SEC24D: variants seen among roughly 807,000 people sequenced by gnomAD.
SEC24D encodes SEC24 homolog D, COPII component, also known as protein transport protein Sec24D.
Under a neutral mutation model 116.9 loss-of-function variants are expected in SEC24D, and 69 were observed. The observed-to-expected ratio is 0.59, with a 90% CI of 0.49 to 0.72. The LOEUF is 0.72. SEC24D is among the 30% of genes least tolerant of loss of function. The probability of loss-of-function intolerance (pLI) is 0.00; values close to 1 mark genes in which losing one functional copy is unlikely to be tolerated. For synonymous variants in SEC24D, 405 were observed against 442.8 expected (o/e 0.91, Z 1.07); for missense variants, 1,131 against 1,264.1 (o/e 0.89, Z 1.60).
At chr4:118,795,038 AAG>A (rs1413414536) in intron 8 of SEC24D, among the ~76,000 whole-genome samples, 2 of 152,106 alleles carry the variant, frequency 1.3e-5, no homozygotes, top group Non-Finnish European at 2.9e-5. Context: ...GGCTACATGA[AAG>A]GGGAGGAAGC....
chr4:118,813,087 A>T (rs545647304), intron 6 of SEC24D, among the ~76,000 whole-genome samples: 1 of 152,346 alleles, frequency 6.6e-6, no homozygotes, highest in African/African-American at 2.4e-5. Flanking sequence ...TAAGTTAAGG[A>T]TCTTCAGAGG....
chr4:118,792,313 G>T (rs950277304), intron 8 of SEC24D, among the ~76,000 whole-genome samples: 11 of 132,012 alleles, frequency 8.3e-5, no homozygotes, highest in Non-Finnish European at 1.7e-4. Context: ...TCCGGGAGGT[G>T]GGGGGGCGCC....
chr4:118,810,135 T>TGTGTGTCA (rs1729856614), intron 6 of SEC24D, among the ~76,000 whole-genome samples: 1 of 113,574 alleles, frequency 8.8e-6, no homozygotes, highest in Non-Finnish European at 2.0e-5. Context: ...TGTGTGTGTG[T>TGTGTGTCA]GTCAGAGGGT....
intron 6 of SEC24D, among the ~76,000 whole-genome samples, chr4:118,808,771 C>T (rs144514347): frequency 1.1e-3 from 163 of 151,998 alleles, no homozygotes; most frequent in African/African-American, 3.8e-3. Flanking sequence ...GCTAGAATTA[C>T]GATTATATTT....
intron 7 of SEC24D, among the ~76,000 whole-genome samples, chr4:118,801,005 T>C (rs1189156190): frequency 6.6e-6 from 1 of 152,120 alleles, no homozygotes; most frequent in African/African-American, 2.4e-5. Context: ...CTCACGCCTG[T>C]AATCCCAGCA....
chr4:118,730,028 T>C (rs1265064806), intron 21 of SEC24D: 1 of 152,242 alleles, frequency 6.6e-6, no homozygotes, highest in Admixed American at 6.5e-5. Context: ...TTCATTTTGT[T>C]GATGAAAGTC....
Position 118,733,057 on chromosome 4 carries a change from G to C in SEC24D, c.2497-145C>G, listed in dbSNP as rs1413915451. On this transcript the variant is annotated intron_variant, in intron 19 of 22. Coordinates refer to ENST00000280551, the MANE Select transcript of SEC24D (RefSeq NM_014822.4). ...TGGTAACCCATGTAAAACACCTAGA[G>C]CACACAGTAACTGGCACAGAGTAGG... 5 of 654,978 alleles carry C rather than the reference G, an allele frequency of 7.6e-6. No homozygotes were observed. The South Asian group carries it at 9.6e-5, about 13-fold the overall frequency. 40.6% of individuals were successfully genotyped at this position (654,978 alleles called of 1,614,324 possible). A position where few individuals can be genotyped will look rare whatever the true frequency, so the allele number is the denominator to read the frequency against.
At chr4:118,775,509 G>A (rs180801687) in intron 8 of SEC24D, among the ~76,000 whole-genome samples, 131 of 152,184 alleles carry the variant, frequency 8.6e-4, no homozygotes, top group Admixed American at 2.4e-3. Context: ...ACGGTTTGTT[G>A]GTGGCCAGCA....
intron 6 of SEC24D, among the ~76,000 whole-genome samples, chr4:118,806,998 A>G (rs1235482799): frequency 2.6e-5 from 4 of 152,216 alleles, no homozygotes; most frequent in Non-Finnish European, 4.4e-5. Context: ...AAATAAATAA[A>G]TAAAGGAAAT....
chr4:118,795,660 T>C (rs1477690879), intron 8 of SEC24D, among the ~76,000 whole-genome samples: 1 of 152,190 alleles, frequency 6.6e-6, no homozygotes, highest in Non-Finnish European at 1.5e-5. Flanking sequence ...TTGTACAAAA[T>C]AGAGCATACT....
chr4:118,732,919 A>G lies in SEC24D; in HGVS notation c.2497-7T>C, dbSNP rs758406878. On this transcript the variant is annotated splice_polypyrimidine_tract_variant and splice_region_variant and intron_variant, in intron 19 of 22. Coordinates refer to ENST00000280551, the MANE Select transcript of SEC24D (RefSeq NM_014822.4). ...TGGAATCTGGTAGAATAAGCTGAAA[A>G]AGACAATTTTTTGTTTCATACGCTT... The G allele has an allele frequency of 6.2e-7, 1 of 1,612,124 alleles. No individual in the cohort carries two copies. Among genetic ancestry groups the G allele is most frequent in the South Asian group, 1.1e-5 (1 of 90,886 alleles).
Position 118,728,632 on chromosome 4 carries a change from C to T in SEC24D, c.2887G>A (p.Gly963Arg). The T allele has an allele frequency of 6.2e-7, 1 of 1,606,980 alleles. No homozygotes were observed. The highest frequency in any genetic ancestry group is 8.5e-7 in the Non-Finnish European group (1 of 1,174,582). Residue 963 changes from glycine (G) to arginine (R), a missense_variant, in exon 22 of 23, where the codon GGA (glycine) becomes AGA (arginine). By Grantham distance (125) the Gly-to-Arg change is moderately radical (BLOSUM62 -2). Transcript: ENST00000280551. ...CTGAGTTGTTGAGAGTATGGGTTTC[C>T]CACTTCAGGCAGCAATGTCTTAGAT... ...NTDMTLLPEV[G>R]NPYSQQLRMI...
chr4:118,828,391 G>C (rs1730680319), intron 2 of SEC24D, among the ~76,000 whole-genome samples: 1 of 152,168 alleles, frequency 6.6e-6, no homozygotes, highest in African/African-American at 2.4e-5. Context: ...TTACAGGCGT[G>C]AGCCACCGCA....
intron 3 of SEC24D, among the ~76,000 whole-genome samples, chr4:118,819,238 A>G (rs568625590): frequency 6.6e-6 from 1 of 152,278 alleles, no homozygotes; most frequent in South Asian, 2.1e-4. Flanking sequence ...CGTCTTTTAA[A>G]AAAACTTTGT....
chr4:118,767,069 G>A (rs1295206619), intron 9 of SEC24D, among the ~76,000 whole-genome samples: 1 of 152,198 alleles, frequency 6.6e-6, no homozygotes, highest in East Asian at 1.9e-4. Context: ...CATAGGCTGG[G>A]ATGAGTCTAG....
chr4:118,787,842 G>A (rs528144679), intron 8 of SEC24D, among the ~76,000 whole-genome samples: 3 of 152,100 alleles, frequency 2.0e-5, no homozygotes, highest in African/African-American at 7.2e-5. Context: ...AATTAAAGTC[G>A]AGGTCTCACT....
At chr4:118,783,967 CTGAGGCGGGCAGATCACT>C (rs1728545800) in intron 8 of SEC24D, among the ~76,000 whole-genome samples, 1 of 152,232 alleles carries the variant, frequency 6.6e-6, no homozygotes, top group Non-Finnish European at 1.5e-5. Flanking sequence ...ATTTGGGAGG[CTGAGGCGGGCAGATCACT>C]TGAGCTCAGG....
chr4:118,831,221 G>A (rs144834089), intron 2 of SEC24D, among the ~76,000 whole-genome samples: 1 of 152,118 alleles, frequency 6.6e-6, no homozygotes, highest in African/African-American at 2.4e-5. Context: ...TAGAGACCGG[G>A]ATTCACCATG....
chr4:118,791,457 G>T (rs1439904217), intron 8 of SEC24D, among the ~76,000 whole-genome samples: 1 of 152,130 alleles, frequency 6.6e-6, no homozygotes, highest in Admixed American at 6.5e-5. Flanking sequence ...CTAAAATGGG[G>T]ATAAGTAGGT....
Sources: gnomAD v4.1 joint callset for allele counts (sites outside exome capture counted in the v4.1 genomes callset) on GRCh38, gnomAD v4.1.1 for gene constraint, MANE v1.5 for transcripts, NCBI Gene and HGNC (gene_info 2026-07-23, HGNC 2026-07-21) for gene names.